The following ARSB variants were observed in gnomAD, a reference collection of about 807,000 sequenced individuals.
ARSB encodes the protein N-acetylgalactosamine-4-sulfatase.
ARSB carries 41 observed loss-of-function variants against 50.9 expected under a neutral mutation model. The observed-to-expected ratio is 0.81, with a 90% CI of 0.63 to 1.04. The LOEUF is 1.04. Among genes scored for constraint, ARSB ranks in the 50% least tolerant of loss-of-function variants. ARSB has a pLI of 0.00. For missense variants in ARSB, 672 were observed against 693.3 expected, an observed-to-expected ratio of 0.97 and a Z score of 0.35; for synonymous variants, 269 against 284.8, an observed-to-expected ratio of 0.94 and a Z score of 0.56.
At chr5:78,904,241 T>C (rs759664147) in intron 4 of ARSB, among the ~76,000 whole-genome samples, 1 of 152,248 alleles carries the variant, frequency 6.6e-6, no homozygotes, top group Non-Finnish European at 1.5e-5. Flanking sequence ...TATTTGCTAG[T>C]TGAAGGACAT....
At chr5:78,891,448 C>T (rs1274820491) in intron 4 of ARSB, among the ~76,000 whole-genome samples, 1 of 152,216 alleles carries the variant, frequency 6.6e-6, no homozygotes, top group African/African-American at 2.4e-5. Flanking sequence ...GAAGAAAGAA[C>T]TCACTTATTC....
rs761260657 is a variant in ARSB at position 78,985,036 on chromosome 5, G to C, written c.213C>G (p.His71Gln). 3 of 1,541,918 alleles carry C rather than the reference G, an allele frequency of 1.9e-6. No homozygotes were observed. In the South Asian group the frequency reaches 3.6e-5, roughly 18 times the overall value. Residue 71 changes from histidine (H) to glutamine (Q), a missense_variant, in exon 1 of 8, where the codon CAC becomes CAG. Transcript: ENST00000264914. ...GFHGSRIRTP[H>Q]LDALAAGGVL... ...CCCCGCCGGCCGCCAGCGCGTCCAG[G>C]TGCGGCGTGCGGATGCGGGAGCCGT...
intron 5 of ARSB, among the ~76,000 whole-genome samples, chr5:78,853,119 A>G (rs1399541366): frequency 2.0e-5 from 3 of 152,164 alleles, no homozygotes; most frequent in African/African-American, 7.2e-5. Flanking sequence ...TTCCTTTGGA[A>G]GAGGAGAGGC....
rs533847062 is a variant in ARSB, at chr5:78,924,132, G to A, written c.898+31163C>T. Among the ~76,000 whole-genome samples, 5 of 152,318 alleles carry A rather than the reference G, an allele frequency of 3.3e-5. No homozygotes were observed. The East Asian group carries it at 9.6e-4, about 29-fold the overall frequency. On this transcript the variant is annotated intron_variant, in intron 4 of 7. Coordinates refer to ENST00000264914, the MANE Select transcript of ARSB (RefSeq NM_000046.5). ...CAAAAGCCCAGATAGTGATGATGAT[G>A]AAGATAATAATAATAGCTGTATTTA... is the stretch of plus-strand genomic sequence containing the variant.
intron 4 of ARSB, among the ~76,000 whole-genome samples, chr5:78,924,682 T>C (rs771816068): frequency 3.3e-5 from 5 of 152,232 alleles, no homozygotes; most frequent in Admixed American, 6.5e-5. Context: ...TCCTCATGTA[T>C]TCTTTGAGTT....
intron 5 of ARSB, among the ~76,000 whole-genome samples, chr5:78,871,195 G>A (rs1367041825): frequency 2.6e-5 from 4 of 151,538 alleles, no homozygotes; most frequent in African/African-American, 9.7e-5. Context: ...AACATTCCAT[G>A]CTCATGGGTA....
intron 5 of ARSB, among the ~76,000 whole-genome samples, chr5:78,880,119 C>T (rs940989018): frequency 2.0e-5 from 3 of 152,064 alleles, no homozygotes; most frequent in South Asian, 4.1e-4. Flanking sequence ...AGAGATTGGC[C>T]GCTAGGAGAA....
intron 3 of ARSB, among the ~76,000 whole-genome samples, chr5:78,956,541 A>T (rs1037992941): frequency 1.3e-5 from 2 of 152,232 alleles, no homozygotes; most frequent in African/African-American, 4.8e-5. Flanking sequence ...TAAAGATATT[A>T]AAAAATATAA....
intron 5 of ARSB, among the ~76,000 whole-genome samples, chr5:78,861,193 G>A (rs762970609): frequency 3.3e-5 from 5 of 152,172 alleles, no homozygotes; most frequent in Admixed American, 6.5e-5. Flanking sequence ...ACAAAGAGGA[G>A]CTGGTACCAT....
chr5:78,855,590 A>G (rs1020186), intron 5 of ARSB, among the ~76,000 whole-genome samples: 3,124 of 152,162 alleles, frequency 0.021, 106 homozygotes, highest in African/African-American at 0.07. Context: ...CATAGTTCCA[A>G]CTCCAAGATG....
intron 4 of ARSB, among the ~76,000 whole-genome samples, chr5:78,906,711 A>G (rs779720421): frequency 3.3e-5 from 5 of 152,190 alleles, no homozygotes; most frequent in Non-Finnish European, 7.3e-5. Context: ...AGTACTTTTA[A>G]GAAGCCTCAG....
chr5:78,931,352 T>C (rs948013927), intron 4 of ARSB, among the ~76,000 whole-genome samples: 2 of 152,222 alleles, frequency 1.3e-5, no homozygotes, highest in Non-Finnish European at 2.9e-5. Context: ...CTGATAATAC[T>C]GGTGCCCCCT....
rs540223972 is a variant in ARSB at position 78,902,055 on chromosome 5, G to T, written c.899-16228C>A. Among the ~76,000 whole-genome samples, 30 of 152,328 alleles carry T rather than the reference G, an allele frequency of 2.0e-4. 1 individual carries two copies. The South Asian group carries it at 6.2e-3, about 32-fold the overall frequency. ...GTTTATTTAGCTCATGGTTCTGGAG[G>T]CTGGGAAGTCTAAGAACATGGTGCT... is the stretch of plus-strand genomic sequence containing the variant. On this transcript the variant is annotated intron_variant, in intron 4 of 7. Coordinates refer to ENST00000264914, the MANE Select transcript of ARSB (RefSeq NM_000046.5).
At chr5:78,883,995 T>C (rs1183212533) in intron 5 of ARSB, 3 of 152,204 alleles carry the variant, frequency 2.0e-5, no homozygotes, top group Admixed American at 6.5e-5. Flanking sequence ...TTCCAGAGTG[T>C]TGAATACTAT....
intron 3 of ARSB, among the ~76,000 whole-genome samples, chr5:78,960,422 T>C (rs571670751): frequency 6.6e-6 from 1 of 152,364 alleles, no homozygotes; most frequent in African/African-American, 2.4e-5. Context: ...GACTTCTAAA[T>C]TAAGACATTC....
Position 78,778,801 on chromosome 5 carries a change from T to C in ARSB, c.*1596A>G, listed in dbSNP as rs1046529653. ...ACTTTTGGAGCCCAAGCTGGGATAATTGCTGGAGCCCAGGAGTTTAAGACC... is the reference window on the plus strand; with the variant it reads ...ACTTTTGGAGCCCAAGCTGGGATAACTGCTGGAGCCCAGGAGTTTAAGACC... On this transcript the variant is annotated 3_prime_UTR_variant, in exon 8 of 8. Coordinates refer to ENST00000264914, the MANE Select transcript of ARSB (RefSeq NM_000046.5). The C allele has an allele frequency of 2.0e-5, 3 of 152,178 alleles. No homozygotes were observed. The highest frequency in any genetic ancestry group is 7.2e-5 in the African/African-American group (3 of 41,446). 9.4% of individuals were successfully genotyped at this position (152,178 alleles called of 1,614,324 possible). A position where few individuals can be genotyped will look rare whatever the true frequency, so the allele number is the denominator to read the frequency against.
intron 1 of ARSB, among the ~76,000 whole-genome samples, chr5:78,979,934 G>C (rs1752828655): frequency 6.6e-6 from 1 of 152,170 alleles, no homozygotes; most frequent in South Asian, 2.1e-4. Flanking sequence ...ACAAAATGTG[G>C]CATGTCCATA....
Position 78,919,288 on chromosome 5 carries a change from C to T in ARSB, c.899-33461G>A, listed in dbSNP as rs58507674. Among the ~76,000 whole-genome samples, 788 of 152,256 alleles carry T rather than the reference C, an allele frequency of 5.2e-3. 8 individuals are homozygous for T. The highest frequency in any genetic ancestry group is 0.018 in the African/African-American group (764 of 41,564). The stretch of plus-strand genomic sequence containing the variant: ...TGTCTGCTTACCACAAACATCAGCG[C>T]ACTTGCAACATCCCCGTGGTTCTTG... On this transcript the variant is annotated intron_variant, in intron 4 of 7. Coordinates refer to ENST00000264914, the MANE Select transcript of ARSB (RefSeq NM_000046.5).
intron 5 of ARSB, among the ~76,000 whole-genome samples, chr5:78,852,876 T>G (rs1415422787): frequency 6.6e-6 from 1 of 152,152 alleles, no homozygotes; most frequent in Non-Finnish European, 1.5e-5. Flanking sequence ...GCATTCTTCA[T>G]GTAGTTCTCG....
Sources: gnomAD v4.1 joint callset for allele counts (sites outside exome capture counted in the v4.1 genomes callset) on GRCh38, gnomAD v4.1.1 for gene constraint, MANE v1.5 for transcripts, NCBI Gene and HGNC (gene_info 2026-07-23, HGNC 2026-07-21) for gene names.